ABLIM2: variants seen among roughly 807,000 people sequenced by gnomAD.
ABLIM2 encodes the protein actin binding LIM protein family member 2, also known as actin-binding LIM protein 2.
Under a neutral mutation model 97.7 loss-of-function variants are expected in ABLIM2, and 53 were observed. The ratio of observed to expected loss-of-function variants is 0.54; its 90% confidence interval spans 0.44 to 0.68. The LOEUF (loss-of-function observed/expected upper bound fraction) is 0.68, where lower values mean the gene tolerates loss of function less well. Among genes scored for constraint, ABLIM2 ranks in the 30% least tolerant of loss-of-function variants. ABLIM2 has a pLI of 0.00. For synonymous variants in ABLIM2, 361 were observed against 345.8 expected (o/e 1.04, Z -0.49); for missense variants, 835 against 867.2 (o/e 0.96, Z 0.47).
rs944392341 is a variant in ABLIM2, at chr4:8,068,205, C to T, written c.676-7151G>A. On this transcript the variant is annotated intron_variant, in intron 6 of 20. Transcript: ENST00000447017. This position sits in a 1 kb window ranked among gnomAD's most constrained non-coding sequence, Gnocchi z 4.5. ...CCCAGGCAGGCGGAAGTCCCACCCT[C>T]GCCCGCGTGGGGCTCATGATGGCTC... Among the ~76,000 whole-genome samples the T allele has an allele frequency of 2.0e-5, 3 of 152,190 alleles. No individual in the cohort carries two copies. The highest frequency in any genetic ancestry group is 4.4e-5 in the Non-Finnish European group (3 of 68,032).
In ABLIM2 at chr4:7,993,715, T is replaced by C. The variant is rs113867386; in HGVS notation, c.1619-788A>G. Among the ~76,000 whole-genome samples, 1,070 of 152,182 alleles carry C rather than the reference T, an allele frequency of 7.0e-3. 11 individuals are homozygous for C. The highest frequency in any genetic ancestry group is 0.023 in the African/African-American group (953 of 41,516). On this transcript the variant is annotated intron_variant, in intron 16 of 20. Coordinates refer to ENST00000447017, the MANE Select transcript of ABLIM2 (RefSeq NM_001130083.2). Reference sequence around the variant, plus strand: ...AAAAAAAATCCTGAGTTGCTTGCAATTGGGGGGCTTCATATTAAAATCCAA... The same window carrying C: ...AAAAAAAATCCTGAGTTGCTTGCAACTGGGGGGCTTCATATTAAAATCCAA...
Position 8,008,214 on chromosome 4 carries a change from A to C in ABLIM2, c.1477-14T>G. 1 of 1,610,692 alleles carries C rather than the reference A, an allele frequency of 6.2e-7. No individual in the cohort carries two copies. Among genetic ancestry groups the C allele is most frequent in the Middle Eastern group, 1.7e-4 (1 of 6,048 alleles). On this transcript the variant is annotated splice_polypyrimidine_tract_variant and intron_variant, in intron 15 of 20. Transcript: ENST00000447017. ...GCTGCTCTTCTGCTGAAGGTAAAAA[A>C]CAAAGTCATGCAAATGTCAAGGTCA... is the stretch of plus-strand genomic sequence containing the variant.
In ABLIM2 at chr4:8,061,143, G is replaced by A. The variant is rs866348537; in HGVS notation, c.676-89C>T. 6.9e-6 allele frequency: 8 copies of A among 1,156,490 alleles called. No homozygotes were observed. In the South Asian group the frequency reaches 8.0e-5, roughly 12 times the overall value. The allele number at this position is 1,156,490 out of a possible 1,614,324, so 71.6% of individuals were successfully genotyped here. Reference sequence around the variant, plus strand: ...GCCCGGCATGGATACAGCATGCCCTGAGCACAGGTACTCAGGGGATACTGG... The same window carrying A: ...GCCCGGCATGGATACAGCATGCCCTAAGCACAGGTACTCAGGGGATACTGG... On this transcript the variant is annotated intron_variant, in intron 6 of 20. Coordinates refer to ENST00000447017, the MANE Select transcript of ABLIM2 (RefSeq NM_001130083.2). The surrounding 1 kb of genome is among the most constrained non-coding windows in gnomAD (Gnocchi z 4.5).
Position 8,125,656 on chromosome 4 carries a change from A to T in ABLIM2, c.11-19019T>A, listed in dbSNP as rs569065998. On this transcript the variant is annotated intron_variant, in intron 1 of 20. Coordinates refer to ENST00000447017, the MANE Select transcript of ABLIM2 (RefSeq NM_001130083.2). This position sits in a 1 kb window ranked among gnomAD's most constrained non-coding sequence, Gnocchi z 6.2. ...CTGCCATCAGTGTGACGGTCCGTCC[A>T]GCACAGTTGTCCACAGTTGGTGGAA... Among the ~76,000 whole-genome samples the T allele has an allele frequency of 3.2e-4, 48 of 152,350 alleles. No homozygotes were observed. The highest frequency in any genetic ancestry group is 5.4e-4 in the Non-Finnish European group (37 of 68,030).
At chr4:8,143,999 C>T (rs1851411213) in intron 1 of ABLIM2, among the ~76,000 whole-genome samples, 1 of 152,190 alleles carries the variant, frequency 6.6e-6, no homozygotes, top group Non-Finnish European at 1.5e-5. Flanking sequence ...CTGGGAGAAA[C>T]CACCAGCCCC....
In ABLIM2 at chr4:8,050,585, G is replaced by T. The variant is rs559926980; in HGVS notation, c.822+3603C>A. On this transcript the variant is annotated intron_variant, in intron 8 of 20. Transcript: ENST00000447017. ...GAGAAGCTACTTCCACCTGGGTGTCGGGTTTCCAAAAACAAGTGAGGTTGA... is the reference window on the plus strand; with the variant it reads ...GAGAAGCTACTTCCACCTGGGTGTCTGGTTTCCAAAAACAAGTGAGGTTGA... Among the ~76,000 whole-genome samples the T allele has an allele frequency of 1.3e-4, 20 of 152,304 alleles. No individual in the cohort carries two copies. The South Asian group carries it at 4.1e-3, about 32-fold the overall frequency.
rs755982683 is a variant in ABLIM2 at position 7,983,305 on chromosome 4, G to A, written c.1783C>T (p.Arg595Cys). The change falls in exon 20 of 21, where the codon CGC becomes TGC. Residue 595 changes from arginine to cysteine, a missense_variant. Arg to Cys is a radical substitution (Grantham distance 180, BLOSUM62 -3). Coordinates refer to ENST00000447017, the MANE Select transcript of ABLIM2 (RefSeq NM_001130083.2). ...YDSLIVTNRI[R>C]VKLPKDVDRT... ...TCCACGTCTTTGGGCAGTTTCACGC[G>A]AATTCGGTTTGTGACGATGAGGGAG... 57 of 1,612,474 alleles carry A rather than the reference G, an allele frequency of 3.5e-5. No individual in the cohort carries two copies. The highest frequency in any genetic ancestry group is 7.7e-5 in the South Asian group (7 of 90,424).
At position 8,121,643 on chromosome 4, in the gene ABLIM2, C is replaced by T. The variant is rs549709795; in HGVS notation, c.11-15006G>A. Among the ~76,000 whole-genome samples, 4 of 152,342 alleles carry T rather than the reference C, an allele frequency of 2.6e-5. No individual in the cohort carries two copies. In the East Asian group the frequency reaches 5.8e-4, roughly 22 times the overall value. On this transcript the variant is annotated intron_variant, in intron 1 of 20. Transcript: ENST00000447017. ...AGGCTCCCAGCCCAGGGCTTGTCCCCCAGGGTCTCATTGCCTTGAGCCAGA... is the reference window on the plus strand; with the variant it reads ...AGGCTCCCAGCCCAGGGCTTGTCCCTCAGGGTCTCATTGCCTTGAGCCAGA...
At chr4:8,007,814 A>G in intron 16 of ABLIM2, 2 of 1,312,890 alleles carry the variant, frequency 1.5e-6, no homozygotes, top group Admixed American at 3.4e-5. Flanking sequence ...CACCTTGGAA[A>G]TCTGTGAGGG....
At chr4:8,154,099 TC>T (rs1714223149) in intron 1 of ABLIM2, among the ~76,000 whole-genome samples, 2 of 147,968 alleles carry the variant, frequency 1.4e-5, no homozygotes, top group African/African-American at 5.0e-5. Flanking sequence ...AGTAGCTGGG[TC>T]TACAGGCACC....
In ABLIM2 at chr4:8,072,320, G is replaced by T. The variant is rs1449156477; in HGVS notation, c.675+5308C>A. ...CTTGCCTCCCAATCCATCAAGGGGA[G>T]GGGGGGCTGCCTGATGAAACCCACT... On this transcript the variant is annotated intron_variant, in intron 6 of 20. Transcript: ENST00000447017. This position sits in a 1 kb window ranked among gnomAD's most constrained non-coding sequence, Gnocchi z 5.8. 8.7e-6 allele frequency among the ~76,000 whole-genome samples: 1 copy of T among 114,664 alleles called. No homozygotes were observed. The highest frequency in any genetic ancestry group is 3.9e-5 in the African/African-American group (1 of 25,514). 75.2% of individuals were successfully genotyped at this position (114,664 alleles called of 152,430 possible).
chr4:8,093,754 T>G (rs1332565421), intron 3 of ABLIM2, among the ~76,000 whole-genome samples: 1 of 152,210 alleles, frequency 6.6e-6, no homozygotes, highest in South Asian at 2.1e-4. Flanking sequence ...TGTAAATAAT[T>G]TTTGTTCGTC....
intron 6 of ABLIM2, among the ~76,000 whole-genome samples, chr4:8,073,852 C>T (rs1194728869): frequency 2.0e-5 from 3 of 152,062 alleles, no homozygotes; most frequent in East Asian, 3.9e-4. Context: ...TTTTGGGAGG[C>T]TGAGGTAGGC....
At chr4:8,006,371 G>A (rs987402383) in intron 16 of ABLIM2, among the ~76,000 whole-genome samples, 1 of 152,214 alleles carries the variant, frequency 6.6e-6, no homozygotes, top group Non-Finnish European at 1.5e-5. Context: ...CTGTGGGGAG[G>A]TCATCAAGTG....
At chr4:8,088,536 G>A (rs1309718450) in intron 3 of ABLIM2, among the ~76,000 whole-genome samples, 3 of 152,238 alleles carry the variant, frequency 2.0e-5, no homozygotes, top group Non-Finnish European at 4.4e-5. Flanking sequence ...AGCACCTAAG[G>A]TGGTGGTGAG....
rs144596057 is a variant in ABLIM2 at position 8,037,465 on chromosome 4, T to C, written c.901-1170A>G. Among the ~76,000 whole-genome samples, 29 of 151,538 alleles carry C rather than the reference T, an allele frequency of 1.9e-4. No individual in the cohort carries two copies. The East Asian group carries it at 5.6e-3, about 30-fold the overall frequency. On this transcript the variant is annotated intron_variant, in intron 9 of 20. Transcript: ENST00000447017. ...CCTCACATCCTGGCCCACTCCCACA[T>C]ACTAGCACACACATGCCCACACCCA...
rs1034383756 is a variant in ABLIM2, at chr4:8,068,532, T to G, written c.676-7478A>C. Among the ~76,000 whole-genome samples the G allele has an allele frequency of 1.3e-5, 2 of 152,156 alleles. No individual in the cohort carries two copies. The highest frequency in any genetic ancestry group is 4.8e-5 in the African/African-American group (2 of 41,434). ...TGTCCCAGCAGAGGAGAGCTAGTGG[T>G]CCCCCGTCTTTGGGCTTCTGGAGAA... On this transcript the variant is annotated intron_variant, in intron 6 of 20. Transcript: ENST00000447017. This position sits in a 1 kb window ranked among gnomAD's most constrained non-coding sequence, Gnocchi z 4.5.
chr4:7,991,531 C>T (rs747576299), intron 17 of ABLIM2, among the ~76,000 whole-genome samples: 9 of 127,140 alleles, frequency 7.1e-5, no homozygotes, highest in Non-Finnish European at 1.3e-4. Context: ...GGGATTTGCA[C>T]GTCTTTTGGT....
At chr4:8,024,421 G>T (rs1775997489) in intron 12 of ABLIM2, among the ~76,000 whole-genome samples, 1 of 152,196 alleles carries the variant, frequency 6.6e-6, no homozygotes, top group African/African-American at 2.4e-5. Flanking sequence ...GGGGGGTGGG[G>T]CCAGGCCTTG....
Sources: allele counts gnomAD v4.1 joint callset (sites outside exome capture counted in the v4.1 genomes callset), GRCh38; gene constraint gnomAD v4.1.1; non-coding constraint Gnocchi (gnomAD v3.1); transcripts MANE v1.5; gene names NCBI Gene and HGNC (gene_info 2026-07-23, HGNC 2026-07-21).